Variants in LNX1 observed in about 807,000 individuals in gnomAD.
LNX1 encodes the protein ligand of numb-protein X 1, also known as E3 ubiquitin-protein ligase LNX.
Under a neutral mutation model 68.4 loss-of-function variants are expected in LNX1, and 54 were observed. The ratio of observed to expected loss-of-function variants is 0.79; its 90% CI spans 0.63 to 0.99. The LOEUF (loss-of-function observed/expected upper bound fraction) is 0.99. Among genes scored for constraint, LNX1 ranks in the 50% least tolerant of loss-of-function variants. The pLI is 0.00. For synonymous variants in LNX1, 336 were observed against 350.0 expected, an observed-to-expected ratio of 0.96 and a Z score of 0.45; for missense variants, 906 against 926.4, an observed-to-expected ratio of 0.98 and a Z score of 0.29.
At chr4:53,515,772 A>G (rs947085494) in intron 2 of LNX1, among the ~76,000 whole-genome samples, 8 of 152,220 alleles carry the variant, frequency 5.3e-5, no homozygotes, top group Non-Finnish European at 7.3e-5. Context: ...CACAGCACGG[A>G]GGAAAAAGCA....
At chr4:53,533,847 A>T (rs1728187544) in intron 2 of LNX1, among the ~76,000 whole-genome samples, 1 of 152,206 alleles carries the variant, frequency 6.6e-6, no homozygotes, top group Non-Finnish European at 1.5e-5. Context: ...AGTGCTAGGG[A>T]TGACTACTTG....
intron 2 of LNX1, among the ~76,000 whole-genome samples, chr4:53,532,274 A>C (rs1728071232): frequency 6.6e-6 from 1 of 152,114 alleles, no homozygotes; most frequent in Admixed American, 6.5e-5. Flanking sequence ...TCAGGAGTTC[A>C]AGACAAGCTT....
At position 53,460,956 on chromosome 4, in the gene LNX1, T is replaced by TTAAG; in HGVS notation, c.2134_2137dup (p.Lys713ThrfsTer2). 6.2e-7 allele frequency: 1 copy of TTAAG among 1,611,204 alleles called. No individual in the cohort carries two copies. The highest frequency in any genetic ancestry group is 8.5e-7 in the Non-Finnish European group (1 of 1,178,684). On this transcript the variant is annotated stop_gained and frameshift_variant, in exon 11 of 11. Coordinates refer to ENST00000263925, the MANE Select transcript of LNX1 (RefSeq NM_001126328.3). LOFTEE classifies it high-confidence loss of function. ...AACAATAGTTAGAGTAATTCTTCCT[T>TTAAG]TAAGTTCTTTCAGCAGTCTTGCCAA...
intron 2 of LNX1, among the ~76,000 whole-genome samples, chr4:53,598,741 C>T (rs1459414249): frequency 1.3e-5 from 2 of 152,184 alleles, no homozygotes; most frequent in Non-Finnish European, 2.9e-5. Context: ...CATCTTGAGT[C>T]ATCTCTTCGT....
rs955229967 is a variant in LNX1, at chr4:53,460,270, T to G, written c.*637A>C. Reference sequence around the variant, plus strand: ...GGAAAAAAAGAGCTTTAGCCATTTCTTACTAAAAACAAAACAAGTTTATAA... The same window carrying G: ...GGAAAAAAAGAGCTTTAGCCATTTCGTACTAAAAACAAAACAAGTTTATAA... On this transcript the variant is annotated 3_prime_UTR_variant, in exon 11 of 11. Transcript: ENST00000263925. 1.0e-5 allele frequency: 2 copies of G among 191,970 alleles called. No individual in the cohort carries two copies. The highest frequency in any genetic ancestry group is 2.2e-5 in the Non-Finnish European group (2 of 91,952). 11.9% of individuals were successfully genotyped at this position (191,970 alleles called of 1,614,324 possible). A position where few individuals can be genotyped will look rare whatever the true frequency, so the allele number is the denominator to read the frequency against.
intron 1 of LNX1, among the ~76,000 whole-genome samples, chr4:53,590,492 A>T (rs1732443751): frequency 8.4e-6 from 1 of 119,390 alleles, no homozygotes; most frequent in African/African-American, 3.3e-5. Context: ...TTGGCTAAAG[A>T]GTTTGACTAT....
In LNX1 at chr4:53,501,309, G is replaced by GGT. The variant is rs1553932775; in HGVS notation, c.776-2467_776-2466insAC. Among the ~76,000 whole-genome samples the GGT allele has an allele frequency of 6.9e-5, 8 of 115,996 alleles. 1 individual carries two copies. Among genetic ancestry groups the GGT allele is most frequent in the African/African-American group, 2.5e-4 (8 of 32,638 alleles). The allele number at this position is 115,996 out of a possible 152,430, so 76.1% of individuals were successfully genotyped here. A position where few individuals can be genotyped will look rare whatever the true frequency, so the allele number is the denominator to read the frequency against. On this transcript the variant is annotated intron_variant, in intron 4 of 10. Coordinates refer to ENST00000263925, the MANE Select transcript of LNX1 (RefSeq NM_001126328.3). ...TTTTTTTTTTTTTTTTGGGGGTGGGGGGACAGGATCTCACTCTGTCACCCA... is the reference window on the plus strand; with the variant it reads ...TTTTTTTTTTTTTTTTGGGGGTGGGGGTGGACAGGATCTCACTCTGTCACCCA...
chr4:53,571,510 G>C (rs538449375), intron 2 of LNX1, among the ~76,000 whole-genome samples: 1 of 151,978 alleles, frequency 6.6e-6, no homozygotes, highest in Non-Finnish European at 1.5e-5. Context: ...AGGAGGCCAC[G>C]AGCCAAGGAA....
intron 6 of LNX1, among the ~76,000 whole-genome samples, chr4:53,488,178 T>C (rs1724445992): frequency 6.6e-6 from 1 of 152,244 alleles, no homozygotes; most frequent in African/African-American, 2.4e-5. Flanking sequence ...GTACCCCCAA[T>C]GACAGGGAGC....
intron 1 of LNX1, among the ~76,000 whole-genome samples, chr4:53,642,098 T>G (rs960331641): frequency 6.6e-6 from 1 of 151,896 alleles, no homozygotes; most frequent in African/African-American, 2.4e-5. Flanking sequence ...GGTACACGCC[T>G]GTGATCCCAG....
upstream of LNX1, among the ~76,000 whole-genome samples, chr4:53,592,255 A>G (rs1428290795): frequency 1.3e-5 from 2 of 152,296 alleles, no homozygotes; most frequent in Middle Eastern, 6.8e-3. Context: ...TACTGTCATT[A>G]GGCGATGTTG....
chr4:53,497,945 C>A (rs1464400210), intron 5 of LNX1, among the ~76,000 whole-genome samples: 5 of 152,086 alleles, frequency 3.3e-5, no homozygotes, highest in Admixed American at 6.6e-5. Flanking sequence ...AATATACGAG[C>A]AGGGAGGGGT....
At position 53,496,377 on chromosome 4, in the gene LNX1, G is replaced by T. The variant is rs1372387624; in HGVS notation, c.996C>A (p.Ile332=). 6.2e-7 allele frequency: 1 copy of T among 1,609,894 alleles called. No individual in the cohort carries two copies. The highest frequency in any genetic ancestry group is 1.1e-5 in the South Asian group (1 of 90,886). Residue 332 remains isoleucine (I), a synonymous_variant, in exon 6 of 11, where the codon ATC becomes ATA. Transcript: ENST00000263925. The part of the protein sequence containing the change: ...DIILKVNGMD[I]SNVPHNYAVR... The stretch of plus-strand genomic sequence containing the variant: ...CAGCGTAGTTGTGAGGGACATTGCT[G>T]ATGTCCATCCCGTTGACCTGGGGGC...
In LNX1 at chr4:53,579,196, G is replaced by C. The variant is rs1731677492; in HGVS notation, c.-86-5108C>G. 6.9e-6 allele frequency: 6 copies of C among 869,906 alleles called. No homozygotes were observed. In the South Asian group the frequency reaches 2.1e-4, roughly 30 times the overall value. The allele number at this position is 869,906 out of a possible 1,614,324, so 53.9% of individuals were successfully genotyped here. A position where few individuals can be genotyped will look rare whatever the true frequency, so the allele number is the denominator to read the frequency against. On this transcript the variant is annotated intron_variant, in intron 1 of 10. Coordinates refer to ENST00000263925, the MANE Select transcript of LNX1 (RefSeq NM_001126328.3). ...TAAGTAGACAGAGCTGTGATACAGTGTTTTGGCAGTTTAGAGTAAGAAAGA... is the reference window on the plus strand; with the variant it reads ...TAAGTAGACAGAGCTGTGATACAGTCTTTTGGCAGTTTAGAGTAAGAAAGA...
chr4:53,607,496 T>C (rs1163429567), intron 2 of LNX1, among the ~76,000 whole-genome samples: 2 of 152,214 alleles, frequency 1.3e-5, no homozygotes, highest in Non-Finnish European at 2.9e-5. Flanking sequence ...TCCATGTTCA[T>C]AGATAGGAAG....
chr4:53,497,278 G>A (rs113748981), intron 5 of LNX1, among the ~76,000 whole-genome samples: 4 of 152,218 alleles, frequency 2.6e-5, no homozygotes, highest in Admixed American at 1.3e-4. Flanking sequence ...CAATTTCGCA[G>A]CAATTGCTGC....
At chr4:53,545,243 A>G (rs1008394662) in intron 2 of LNX1, among the ~76,000 whole-genome samples, 1 of 152,220 alleles carries the variant, frequency 6.6e-6, no homozygotes, top group Non-Finnish European at 1.5e-5. Flanking sequence ...AGGAACTGCC[A>G]TCTTCAGCAT....
At chr4:53,514,582 T>C (rs368508357) in intron 2 of LNX1, among the ~76,000 whole-genome samples, 1 of 152,226 alleles carries the variant, frequency 6.6e-6, no homozygotes, top group Non-Finnish European at 1.5e-5. Context: ...GCCCCCATGA[T>C]TCATGGATCT....
chr4:53,531,320 C>T (rs1232170867), intron 2 of LNX1, among the ~76,000 whole-genome samples: 1 of 152,074 alleles, frequency 6.6e-6, no homozygotes, highest in Non-Finnish European at 1.5e-5. Flanking sequence ...CTGTTCTTTT[C>T]CTGCACCAGC....
Sources: gnomAD v4.1 joint callset for allele counts (sites outside exome capture counted in the v4.1 genomes callset) on GRCh38, gnomAD v4.1.1 for gene constraint, MANE v1.5 for transcripts, NCBI Gene and HGNC (gene_info 2026-07-23, HGNC 2026-07-21) for gene names.